The following ZFAT variants were observed in gnomAD, a reference collection of about 807,000 sequenced individuals.
ZFAT encodes the protein zinc finger protein ZFAT.
ZFAT carries 64 observed loss-of-function variants against 117.7 expected under a neutral mutation model. The ratio of observed to expected loss-of-function variants is 0.54; its 90% CI spans 0.44 to 0.67. The LOEUF (loss-of-function observed/expected upper bound fraction) is 0.67. Among genes scored for constraint, ZFAT ranks in the 30% least tolerant of loss-of-function variants. The pLI, the probability that ZFAT is intolerant of heterozygous loss-of-function variation, is 0.00. For missense variants in ZFAT, 1,433 were observed against 1,584.5 expected, an observed-to-expected ratio of 0.90 and a Z score of 1.62; for synonymous variants, 679 against 615.0, an observed-to-expected ratio of 1.10 and a Z score of -1.54.
the ZFAT span, chr8:134,795,854 GAC>G: frequency 6.6e-6 from 1 of 152,248 alleles, no homozygotes; most frequent in Admixed American, 6.5e-5. Flanking sequence ...CTTTGGGAGA[GAC>G]AGGATTTGGG....
At chr8:134,532,993 G>A in intron 11 of ZFAT, 21 bp from the exon 12 acceptor site, 1 of 1,584,454 alleles carries the variant, frequency 6.3e-7, no homozygotes, top group Non-Finnish European at 8.6e-7. Flanking sequence ...AATGAGGAGG[G>A]GTTAGGAAAG....
chr8:134,508,795 T>G (rs1436918904), intron 15 of ZFAT, among the ~76,000 whole-genome samples: 12 of 152,238 alleles, frequency 7.9e-5, no homozygotes. Flanking sequence ...AAATACCAAA[T>G]GAATCAATAC....
intron 1 of ZFAT, among the ~76,000 whole-genome samples, chr8:134,709,500 G>A (rs554063845): frequency 6.6e-6 from 1 of 152,306 alleles, no homozygotes; most frequent in Admixed American, 6.5e-5. Flanking sequence ...TAAAGTTGAT[G>A]CCTGCCCTTG....
At chr8:134,691,461 G>A (rs1367491485) in intron 1 of ZFAT, among the ~76,000 whole-genome samples, 1 of 152,208 alleles carries the variant, frequency 6.6e-6, no homozygotes, top group Non-Finnish European at 1.5e-5. Flanking sequence ...CCTAGGGGGC[G>A]ATAAAAGACA....
At chr8:134,481,923 C>T (rs1235563634) in intron 15 of ZFAT, among the ~76,000 whole-genome samples, 1 of 152,224 alleles carries the variant, frequency 6.6e-6, no homozygotes, top group Non-Finnish European at 1.5e-5. Flanking sequence ...GTGTGCCCTA[C>T]AGCCCGACCA....
chr8:134,717,190 C>T (rs1814220963), upstream of ZFAT, among the ~76,000 whole-genome samples: 2 of 152,102 alleles, frequency 1.3e-5, no homozygotes, highest in African/African-American at 2.4e-5. Flanking sequence ...TGTGGCAGAA[C>T]ATCATGGACC....
intron 15 of ZFAT, among the ~76,000 whole-genome samples, chr8:134,500,577 G>A (rs1818901067): frequency 6.6e-6 from 1 of 152,336 alleles, no homozygotes; most frequent in East Asian, 1.9e-4. Flanking sequence ...CTACTATGGT[G>A]TAAGAGAGCT....
chr8:134,565,160 G>T (rs748474285), intron 11 of ZFAT, 173 bp downstream of exon 11: 1 of 1,531,278 alleles, frequency 6.5e-7, no homozygotes, highest in South Asian at 1.2e-5. Context: ...CTTCTGGAAC[G>T]AGAGAGCACA....
At chr8:134,535,454 G>A (rs1265609231) in intron 11 of ZFAT, among the ~76,000 whole-genome samples, 1 of 150,086 alleles carries the variant, frequency 6.7e-6, no homozygotes, top group African/African-American at 2.5e-5. Context: ...GCCTTCCTGG[G>A]AAGCCTTTCC....
At chr8:134,821,285 A>G in the ZFAT span, among the ~76,000 whole-genome samples, 1,599 of 152,198 alleles carry the variant, frequency 0.011, 15 homozygotes, top group Non-Finnish European at 0.018. Context: ...AAAAAAGACA[A>G]GGTTTTAGTT....
the ZFAT span, among the ~76,000 whole-genome samples, chr8:134,762,562 T>C: frequency 6.6e-6 from 1 of 152,236 alleles, no homozygotes; most frequent in African/African-American, 2.4e-5. Context: ...TATTGTTTGC[T>C]AGTTTCTCTT....
At chr8:134,760,265 C>A in the ZFAT span, among the ~76,000 whole-genome samples, 3 of 94,946 alleles carry the variant, frequency 3.2e-5, no homozygotes, top group Non-Finnish European at 6.0e-5. Flanking sequence ...GAGACTCCGT[C>A]TCAAAAAGAA....
chr8:134,675,363 A>G (rs557780015), intron 1 of ZFAT, among the ~76,000 whole-genome samples: 4 of 152,242 alleles, frequency 2.6e-5, no homozygotes, highest in Non-Finnish European at 5.9e-5. Context: ...CAGAAATTGA[A>G]GATCAACTCA....
In ZFAT at chr8:134,612,113, T is replaced by C. The variant is rs1211232096; in HGVS notation, c.449-1458A>G. ...AAAGGAGTTTTCTCTTTCTTAGAAA[T>C]AGAGCCACAAAACCTCAAATAACCT... On this transcript the variant is annotated intron_variant, in intron 3 of 15. Coordinates refer to ENST00000377838, the MANE Select transcript of ZFAT (RefSeq NM_020863.4). Among the ~76,000 whole-genome samples the C allele has an allele frequency of 2.0e-5, 3 of 152,166 alleles. No homozygotes were observed. In the East Asian group the frequency reaches 5.8e-4, roughly 29 times the overall value.
intron 15 of ZFAT, among the ~76,000 whole-genome samples, chr8:134,483,889 A>T (rs975168652): frequency 1.3e-4 from 20 of 152,142 alleles, no homozygotes; most frequent in Admixed American, 7.9e-4. Flanking sequence ...CCATTCATCC[A>T]GCAAACGCTG....
intron 3 of ZFAT, among the ~76,000 whole-genome samples, chr8:134,635,031 G>A (rs767307456): frequency 8.5e-5 from 13 of 152,338 alleles, no homozygotes; most frequent in Middle Eastern, 3.4e-3. Context: ...TATGAGAAGC[G>A]AGTGTCGCAG....
intron 12 of ZFAT, among the ~76,000 whole-genome samples, chr8:134,523,248 T>C (rs868583374): frequency 1.3e-5 from 2 of 152,306 alleles, no homozygotes; most frequent in Middle Eastern, 3.4e-3. Flanking sequence ...TGGGCCCTCC[T>C]ACTCTGTCCC....
At chr8:134,496,079 A>G (rs1027478469) in intron 15 of ZFAT, among the ~76,000 whole-genome samples, 4 of 152,364 alleles carry the variant, frequency 2.6e-5, no homozygotes, top group Non-Finnish European at 4.4e-5. Flanking sequence ...GCACAGTAAG[A>G]GGAAAGGAGC....
chr8:134,562,336 A>C (rs929872005), intron 11 of ZFAT, among the ~76,000 whole-genome samples: 2 of 152,254 alleles, frequency 1.3e-5, no homozygotes, highest in Non-Finnish European at 2.9e-5. Flanking sequence ...AAGATAATCA[A>C]TCTGAACTAT....
Sources: allele counts gnomAD v4.1 joint callset (sites outside exome capture counted in the v4.1 genomes callset), GRCh38; gene constraint gnomAD v4.1.1; transcripts MANE v1.5; gene names NCBI Gene and HGNC (gene_info 2026-07-23, HGNC 2026-07-21).